Variants in PPARGC1A observed in about 807,000 individuals in gnomAD.
PPARGC1A encodes PPARG coactivator 1 alpha.
PPARGC1A carries 25 observed loss-of-function variants against 88.7 expected under a neutral mutation model. The observed-to-expected ratio is 0.28, with a 90% CI of 0.21 to 0.39. The LOEUF (loss-of-function observed/expected upper bound fraction) is 0.39. Ranked by LOEUF, PPARGC1A falls within the 10% of genes least tolerant of loss-of-function variation. The pLI, the probability that PPARGC1A is intolerant of heterozygous loss-of-function variation, is 1.00. For missense variants in PPARGC1A, 880 were observed against 968.7 expected (o/e 0.91, Z 1.22); for synonymous variants, 363 against 355.6 (o/e 1.02, Z -0.24).
At chr4:23,829,909 C>T (rs965164410) in intron 3 of PPARGC1A, among the ~76,000 whole-genome samples, 15 of 152,116 alleles carry the variant, frequency 9.9e-5, no homozygotes, top group African/African-American at 3.6e-4. Context: ...AGGAAAATCT[C>T]AAAATTTCCA....
chr4:24,334,311 A>G, the PPARGC1A span, among the ~76,000 whole-genome samples: 8 of 152,226 alleles, frequency 5.3e-5, no homozygotes, highest in Non-Finnish European at 1.2e-4. Context: ...AAGCCCAAAG[A>G]ATAAGCTCTA....
the PPARGC1A span, among the ~76,000 whole-genome samples, chr4:24,348,928 G>C: frequency 1.3e-5 from 2 of 152,150 alleles, no homozygotes; most frequent in Non-Finnish European, 2.9e-5. Context: ...ATTTGGGTAG[G>C]CTCTGTCAGA....
chr4:24,416,847 A>G, the PPARGC1A span, among the ~76,000 whole-genome samples: 1 of 152,192 alleles, frequency 6.6e-6, no homozygotes, highest in African/African-American at 2.4e-5. Context: ...CCTGGCCAAC[A>G]TGGCCAAACC....
chr4:24,177,983 A>T, the PPARGC1A span, among the ~76,000 whole-genome samples: 1 of 152,216 alleles, frequency 6.6e-6, no homozygotes, highest in Non-Finnish European at 1.5e-5. Context: ...CGTATGTCAT[A>T]AATTCGTTAT....
At chr4:24,148,186 T>G in the PPARGC1A span, among the ~76,000 whole-genome samples, 1 of 152,328 alleles carries the variant, frequency 6.6e-6, no homozygotes, top group East Asian at 1.9e-4. Context: ...AACTAGACCA[T>G]GTGGCTTTCC....
At chr4:24,294,991 G>T in the PPARGC1A span, among the ~76,000 whole-genome samples, 6 of 152,306 alleles carry the variant, frequency 3.9e-5, no homozygotes, top group Admixed American at 3.3e-4. Flanking sequence ...CTAGTAGGGA[G>T]GCGGTTTCAT....
chr4:24,257,383 A>G, the PPARGC1A span, among the ~76,000 whole-genome samples: 1 of 152,200 alleles, frequency 6.6e-6, no homozygotes. Flanking sequence ...GGTGACAGCC[A>G]CCTTTTAAAA....
intron 7 of PPARGC1A, chr4:23,820,312 T>G (rs980453780): frequency 4.6e-5 from 7 of 152,492 alleles, no homozygotes; most frequent in African/African-American, 1.7e-4. Context: ...CTGATTATAT[T>G]TTTTGCTCTT....
the PPARGC1A span, among the ~76,000 whole-genome samples, chr4:24,466,022 C>A: frequency 8.5e-5 from 13 of 152,056 alleles, no homozygotes; most frequent in Non-Finnish European, 1.8e-4. Flanking sequence ...TTTCTTCTGT[C>A]GAATATTTTA....
chr4:24,101,280 T>A, the PPARGC1A span, among the ~76,000 whole-genome samples: 1 of 152,216 alleles, frequency 6.6e-6, no homozygotes, highest in Non-Finnish European at 1.5e-5. Context: ...AAAAGGTGCC[T>A]GCTTCTCCTG....
At chr4:24,331,618 C>T in the PPARGC1A span, among the ~76,000 whole-genome samples, 1 of 152,150 alleles carries the variant, frequency 6.6e-6, no homozygotes, top group Non-Finnish European at 1.5e-5. Flanking sequence ...ATCTTCACTT[C>T]ATAAGATCTG....
the PPARGC1A span, among the ~76,000 whole-genome samples, chr4:23,968,837 G>A: frequency 1.3e-5 from 2 of 150,928 alleles, no homozygotes; most frequent in Admixed American, 6.6e-5. Flanking sequence ...GCTTGAACCC[G>A]GGAAGTGGAG....
chr4:24,186,120 TG>T, the PPARGC1A span, among the ~76,000 whole-genome samples: 34 of 152,066 alleles, frequency 2.2e-4, no homozygotes, highest in Non-Finnish European at 1.5e-5. Context: ...CCCTACAAAC[TG>T]TGTGCAGATG....
chr4:24,421,313 C>CTT, the PPARGC1A span, among the ~76,000 whole-genome samples: 371 of 137,548 alleles, frequency 2.7e-3, 1 homozygote, highest in Non-Finnish European at 3.5e-3. Flanking sequence ...GAACAGTTCA[C>CTT]TTTTTTTTTT....
chr4:23,834,162 T>C (rs1725572953), intron 2 of PPARGC1A, among the ~76,000 whole-genome samples: 2 of 151,986 alleles, frequency 1.3e-5, no homozygotes, highest in South Asian at 2.1e-4. Context: ...TAGCCAGGCG[T>C]GGTGGCGGAC....
At chr4:24,132,549 A>G in the PPARGC1A span, among the ~76,000 whole-genome samples, 3 of 152,160 alleles carry the variant, frequency 2.0e-5, no homozygotes, top group African/African-American at 7.2e-5. Flanking sequence ...TTCTCTTGAT[A>G]TGTGCTTAGG....
At chr4:24,467,030 GAGAAAGAGAGAGAGAGAGAA>G in the PPARGC1A span, among the ~76,000 whole-genome samples, 11 of 74,404 alleles carry the variant, frequency 1.5e-4, no homozygotes, top group South Asian at 4.9e-4. Context: ...AAGAAAGAAA[GAGAAAGAGAGAGAGAGAGAA>G]AAAGAAAGAA....
At chr4:24,003,844 T>A in the PPARGC1A span, among the ~76,000 whole-genome samples, 1 of 147,170 alleles carries the variant, frequency 6.8e-6, no homozygotes, top group Non-Finnish European at 1.5e-5. Context: ...TCAAAAAAGA[T>A]CACTCTGGCT....
the PPARGC1A span, among the ~76,000 whole-genome samples, chr4:24,177,122 T>C: frequency 5.3e-5 from 8 of 152,172 alleles, no homozygotes; most frequent in Admixed American, 2.0e-4. Context: ...ACTGGGTATA[T>C]ACCCAAAGGA....
Sources: allele counts gnomAD v4.1 joint callset (sites outside exome capture counted in the v4.1 genomes callset), GRCh38; gene constraint gnomAD v4.1.1; transcripts MANE v1.5; gene names NCBI Gene and HGNC (gene_info 2026-07-23, HGNC 2026-07-21).